Variants in HDAC9 observed in about 807,000 individuals in gnomAD.
HDAC9 encodes the protein histone deacetylase 9, also known as MEF-2 interacting transcription repressor (MITR) protein.
Under a neutral mutation model 139.4 loss-of-function variants are expected in HDAC9, and 41 were observed. The ratio of observed to expected loss-of-function variants is 0.29; its 90% CI spans 0.23 to 0.38. The LOEUF (loss-of-function observed/expected upper bound fraction) is 0.38. Among genes scored for constraint, HDAC9 ranks in the 10% least tolerant of loss-of-function variants. HDAC9 has a pLI of 1.00. For synonymous variants in HDAC9, 517 were observed against 476.2 expected, an observed-to-expected ratio of 1.09 and a Z score of -1.12; for missense variants, 1,147 against 1,297.0, an observed-to-expected ratio of 0.88 and a Z score of 1.78.
At chr7:18,133,064 CTGTT>C (rs1198274922) in intron 1 of HDAC9, among the ~76,000 whole-genome samples, 1 of 152,088 alleles carries the variant, frequency 6.6e-6, no homozygotes, top group Non-Finnish European at 1.5e-5. Context: ...TAGCAGTGGT[CTGTT>C]TGTCAAGGAA....
At chr7:18,307,376 G>A (rs954971892) in intron 1 of HDAC9, among the ~76,000 whole-genome samples, 1 of 152,112 alleles carries the variant, frequency 6.6e-6, no homozygotes, top group Non-Finnish European at 1.5e-5. Flanking sequence ...ATTGAATTTT[G>A]TGAAAATAAT....
chr7:18,709,629 C>T (rs1198269381), intron 12 of HDAC9, among the ~76,000 whole-genome samples: 3 of 152,144 alleles, frequency 2.0e-5, no homozygotes, highest in African/African-American at 7.2e-5. Flanking sequence ...GGAACTACAA[C>T]ATGTTTGTAT....
In HDAC9 at chr7:18,427,283, T is replaced by C. The variant is rs10486294; in HGVS notation, c.-41-68979T>C. Among the ~76,000 whole-genome samples the C allele has an allele frequency of 9.9e-3, 1,515 of 152,302 alleles. 40 individuals are homozygous for C. Among genetic ancestry groups the C allele is most frequent in the Admixed American group, 0.049 (754 of 15,286 alleles). ...ATTCACACCTACAGCCTTATCTTTT[T>C]TGTGGCACCTTACCCAGTCCCCAAT... On this transcript the variant is annotated intron_variant, in intron 1 of 3. Transcript: ENST00000413509.
chr7:18,777,325 A>T (rs910591984), intron 16 of HDAC9, among the ~76,000 whole-genome samples: 1 of 78,712 alleles, frequency 1.3e-5, no homozygotes, highest in Non-Finnish European at 2.4e-5. Context: ...TGACATTTGC[A>T]TGACCTTTGC....
At chr7:18,564,261 G>A (rs1039152013) in intron 2 of HDAC9, among the ~76,000 whole-genome samples, 5 of 152,118 alleles carry the variant, frequency 3.3e-5, no homozygotes, top group African/African-American at 1.2e-4. Context: ...ATTGTCCATG[G>A]CTATAAATTA....
At chr7:18,579,301 G>A (rs2128771430) in intron 2 of HDAC9, among the ~76,000 whole-genome samples, 1 of 152,306 alleles carries the variant, frequency 6.6e-6, no homozygotes, top group South Asian at 2.1e-4. Flanking sequence ...AGAATTTGCA[G>A]TAAACTATTG....
chr7:18,133,932 G>GCACACACACACACACGCACA (rs139875314), intron 1 of HDAC9, among the ~76,000 whole-genome samples: 43 of 145,908 alleles, frequency 2.9e-4, no homozygotes, highest in African/African-American at 1.1e-3. Flanking sequence ...ATACACGCGT[G>GCACACACACACACACGCACA]CACACACACA....
At chr7:18,142,549 G>A (rs1584296138) in intron 1 of HDAC9, among the ~76,000 whole-genome samples, 1 of 152,228 alleles carries the variant, frequency 6.6e-6, no homozygotes, top group East Asian at 1.9e-4. Context: ...ACTTTGTTGT[G>A]CCTCCCTCAC....
At chr7:18,904,717 A>T (rs1170627254) in intron 22 of HDAC9, among the ~76,000 whole-genome samples, 1 of 150,776 alleles carries the variant, frequency 6.6e-6, no homozygotes, top group Non-Finnish European at 1.5e-5. Context: ...CTGGGACTAC[A>T]GGCAACCGCC....
intron 22 of HDAC9, among the ~76,000 whole-genome samples, chr7:18,897,854 G>A (rs1485926199): frequency 6.6e-6 from 1 of 150,906 alleles, no homozygotes; most frequent in East Asian, 2.0e-4. Flanking sequence ...TTCAGCTAAG[G>A]GTCTTTGCCA....
rs79514414 is a variant in HDAC9 at position 18,927,095 on chromosome 7, A to G, written c.2804-8714A>G. On this transcript the variant is annotated intron_variant, in intron 22 of 25. Transcript: ENST00000686413. ...TTCATAAATTTACATTTTAAACATA[A>G]CCAGATAATATATATCTTTACCCGT... 1.9e-4 allele frequency among the ~76,000 whole-genome samples: 29 copies of G among 152,336 alleles called. 1 individual carries two copies. The highest frequency in any genetic ancestry group is 1.2e-3 in the East Asian group (6 of 5,176).
intron 16 of HDAC9, among the ~76,000 whole-genome samples, chr7:18,767,620 G>C (rs1467447271): frequency 6.6e-6 from 1 of 152,122 alleles, no homozygotes; most frequent in African/African-American, 2.4e-5. Context: ...TTTTGTTTGT[G>C]AACCCCTTGG....
intron 15 of HDAC9, among the ~76,000 whole-genome samples, chr7:18,763,028 A>G (rs1177267864): frequency 1.3e-5 from 2 of 152,204 alleles, no homozygotes; most frequent in Admixed American, 1.3e-4. Context: ...AACAATATCT[A>G]ACATTGGCAA....
intron 1 of HDAC9, among the ~76,000 whole-genome samples, chr7:18,353,896 G>A (rs1783051107): frequency 6.6e-6 from 1 of 152,208 alleles, no homozygotes; most frequent in Middle Eastern, 3.4e-3. Context: ...TTTCATTTTT[G>A]TTCTTCTTTG....
intron 2 of HDAC9, among the ~76,000 whole-genome samples, chr7:18,535,132 C>G (rs1319917987): frequency 6.6e-6 from 1 of 152,148 alleles, no homozygotes; most frequent in African/African-American, 2.4e-5. Context: ...CCATCTTCAG[C>G]AATTCACTGA....
chr7:18,314,895 A>G (rs574650703), intron 1 of HDAC9, among the ~76,000 whole-genome samples: 9 of 152,238 alleles, frequency 5.9e-5, no homozygotes, highest in Non-Finnish European at 1.2e-4. Flanking sequence ...ATGTTGCACC[A>G]TCACAAATAA....
At chr7:18,609,007 A>G (rs1194709190) in intron 6 of HDAC9, among the ~76,000 whole-genome samples, 2 of 152,164 alleles carry the variant, frequency 1.3e-5, no homozygotes, top group Admixed American at 6.5e-5. Context: ...AGATGTTATT[A>G]TTATTATTTT....
chr7:18,204,509 G>A (rs1420738722), intron 2 of HDAC9, among the ~76,000 whole-genome samples: 4 of 151,912 alleles, frequency 2.6e-5, no homozygotes, highest in African/African-American at 9.7e-5. Flanking sequence ...TAACAATAAT[G>A]TATGGGTTTT....
rs114012166 is a variant in HDAC9, at chr7:18,497,840, A to G, written c.22+1516A>G. Among the ~76,000 whole-genome samples, 1,447 of 152,240 alleles carry G rather than the reference A, an allele frequency of 9.5e-3. 27 individuals are homozygous for G. Among genetic ancestry groups the G allele is most frequent in the African/African-American group, 0.033 (1,355 of 41,556 alleles). On this transcript the variant is annotated intron_variant, in intron 2 of 25. Coordinates refer to ENST00000686413, the MANE Select transcript of HDAC9 (RefSeq NM_178425.4). ...ATTTTTTTTCATATGGTAGAAACAT[A>G]CATGCCTTCCAAGTAGCAAGTGTCT...
Sources: allele counts gnomAD v4.1 joint callset (sites outside exome capture counted in the v4.1 genomes callset), GRCh38; gene constraint gnomAD v4.1.1; transcripts MANE v1.5; gene names NCBI Gene and HGNC (gene_info 2026-07-23, HGNC 2026-07-21).